Variants in ARID4B observed in about 807,000 individuals in gnomAD.
ARID4B encodes AT-rich interactive domain-containing protein 4B.
A neutral mutation model predicts 147.5 loss-of-function variants in ARID4B; 26 were observed. The observed-to-expected ratio is 0.18, with a 90% CI of 0.13 to 0.24. The LOEUF is 0.24. ARID4B is among the 10% of genes least tolerant of loss of function. The pLI, the probability that ARID4B is intolerant of heterozygous loss-of-function variation, is 1.00. For synonymous variants in ARID4B, 512 were observed against 507.9 expected (o/e 1.01, Z -0.11); for missense variants, 1,179 against 1,511.5 (o/e 0.78, Z 3.65).
intron 19 of ARID4B, among the ~76,000 whole-genome samples, chr1:235,188,467 C>G (rs963012710): frequency 6.6e-5 from 10 of 152,146 alleles, no homozygotes; most frequent in Non-Finnish European, 8.8e-5. Context: ...ATGCCTAGAT[C>G]CCCACCTCAC....
chr1:235,208,906 C>A (rs1161504674), intron 17 of ARID4B, among the ~76,000 whole-genome samples: 1 of 152,062 alleles, frequency 6.6e-6, no homozygotes, highest in Non-Finnish European at 1.5e-5. Flanking sequence ...TGAGCATACT[C>A]CAAACATGCC....
intron 2 of ARID4B, among the ~76,000 whole-genome samples, chr1:235,294,149 T>C (rs1672520967): frequency 6.6e-6 from 1 of 152,074 alleles, no homozygotes; most frequent in South Asian, 2.1e-4. Flanking sequence ...TGACATCTAG[T>C]ACCACCTGGC....
chr1:235,214,993 C>G (rs976291446), intron 16 of ARID4B, among the ~76,000 whole-genome samples: 13 of 151,970 alleles, frequency 8.6e-5, no homozygotes, highest in African/African-American at 2.9e-4. Context: ...AGGCACCCAC[C>G]ACCACACCCA....
chr1:235,325,613 T>C (rs1041201169), intron 2 of ARID4B, among the ~76,000 whole-genome samples: 6 of 152,156 alleles, frequency 3.9e-5, no homozygotes, highest in Admixed American at 2.0e-4. Flanking sequence ...AAGGTACATA[T>C]ACGAGTTACC....
At chr1:235,290,923 G>A (rs1223498599) in intron 2 of ARID4B, among the ~76,000 whole-genome samples, 4 of 152,154 alleles carry the variant, frequency 2.6e-5, no homozygotes, top group Non-Finnish European at 5.9e-5. Context: ...TAGTGCTACC[G>A]TGTCTGTACA....
chr1:235,203,151 C>T (rs1666065964), intron 17 of ARID4B, among the ~76,000 whole-genome samples: 1 of 152,102 alleles, frequency 6.6e-6, no homozygotes, highest in Non-Finnish European at 1.5e-5. Flanking sequence ...TAAAAGATAC[C>T]ATTCAGAGAC....
chr1:235,324,869 G>C (rs956514378), intron 2 of ARID4B, among the ~76,000 whole-genome samples: 6 of 152,170 alleles, frequency 3.9e-5, no homozygotes, highest in Non-Finnish European at 8.8e-5. Flanking sequence ...AGCAGTTACA[G>C]ATCGTGCCAG....
chr1:235,220,010 T>C (rs1185471517), intron 15 of ARID4B, 42 bp from the exon 16 acceptor site: 2 of 1,333,744 alleles, frequency 1.5e-6, no homozygotes, highest in Non-Finnish European at 2.0e-6. Flanking sequence ...AAAGTAAAAA[T>C]TTTCAACCTA....
intron 11 of ARID4B, among the ~76,000 whole-genome samples, chr1:235,227,075 T>C (rs1667880537): frequency 6.6e-6 from 1 of 152,158 alleles, no homozygotes; most frequent in Non-Finnish European, 1.5e-5. Context: ...AGTAGGGTTC[T>C]GAAAATTGAA....
rs143030801 is a variant in ARID4B at position 235,297,534 on chromosome 1, G to T, written c.6+29380C>A. ...TTGCAATCCTTATATAATGGATCTA[G>T]TCAACAATCCTCAGATGCTGCGAAA... is the stretch of plus-strand genomic sequence containing the variant. On this transcript the variant is annotated intron_variant, in intron 2 of 23. Coordinates refer to ENST00000264183, the MANE Select transcript of ARID4B (RefSeq NM_016374.6). Among the ~76,000 whole-genome samples, 229 of 152,262 alleles carry T rather than the reference G, an allele frequency of 1.5e-3. 3 individuals carry two copies. Among genetic ancestry groups the T allele is most frequent in the African/African-American group, 5.3e-3 (219 of 41,542 alleles).
At chr1:235,289,202 G>T (rs1033131061) in intron 2 of ARID4B, among the ~76,000 whole-genome samples, 1 of 152,128 alleles carries the variant, frequency 6.6e-6, no homozygotes, top group Non-Finnish European at 1.5e-5. Context: ...TCCTGGAAGG[G>T]AATTCAATGT....
chr1:235,303,089 A>C (rs1239746925), intron 2 of ARID4B, among the ~76,000 whole-genome samples: 1 of 151,984 alleles, frequency 6.6e-6, no homozygotes, highest in Admixed American at 6.6e-5. Context: ...ACACCCGGCT[A>C]ATTTTTTGTA....
rs758814644 is a variant in ARID4B at position 235,240,354 on chromosome 1, T to C, written c.544A>G (p.Ile182Val). The C allele has an allele frequency of 5.6e-6, 9 of 1,613,394 alleles. No individual in the cohort carries two copies. The South Asian group carries it at 9.9e-5, about 18-fold the overall frequency. The change falls in exon 8 of 24, where the codon ATT (isoleucine) becomes GTT (valine). Residue 182 changes from isoleucine to valine, a missense_variant. Ile to Val is a conservative substitution (Grantham distance 29). This residue lies in a region of ARID4B where 159 missense variants were observed against 190.5 expected (regional missense o/e 0.83). Transcript: ENST00000264183. ...LLGKVVCVDY[I>V]SLDKKKALWF... ...AGTGCTTTCTTTTTATCCAAACTAA[T>C]GTAATCTACACATACAACTTTGCCT...
At position 235,223,058 on chromosome 1, in the gene ARID4B, T is replaced by C. The variant is rs1667575390; in HGVS notation, c.1065+108A>G. ...CCACTTTATCTTCTTCTTAGGTTTT[T>C]ACTGAAAAACTTTGTTTTGTTGTTT... On this transcript the variant is annotated intron_variant, in intron 13 of 23. Coordinates refer to ENST00000264183, the MANE Select transcript of ARID4B (RefSeq NM_016374.6). 5 of 703,276 alleles carry C rather than the reference T, an allele frequency of 7.1e-6. No individual in the cohort carries two copies. In the South Asian group the frequency reaches 8.9e-5, roughly 12 times the overall value. The allele number at this position is 703,276 out of a possible 1,614,324, so 43.6% of individuals were successfully genotyped here.
At chr1:235,214,837 C>CTTTTTTTTTTTTTTT (rs10657168) in intron 16 of ARID4B, among the ~76,000 whole-genome samples, 1 of 102,326 alleles carries the variant, frequency 9.8e-6, no homozygotes, top group Non-Finnish European at 1.8e-5. Context: ...GTATTACATC[C>CTTTTTTTTTTTTTTT]TTTTTTTTTT....
chr1:235,320,836 G>A (rs184137381), intron 2 of ARID4B, among the ~76,000 whole-genome samples: 180 of 152,196 alleles, frequency 1.2e-3, no homozygotes, highest in African/African-American at 4.2e-3. Context: ...AACCTGAATG[G>A]CTCACTCTAT....
At chr1:235,272,187 C>T (rs1671035838) in intron 2 of ARID4B, among the ~76,000 whole-genome samples, 1 of 152,070 alleles carries the variant, frequency 6.6e-6, no homozygotes, top group East Asian at 1.9e-4. Context: ...CTGTAGTAAG[C>T]CCTTTGGTAA....
intron 19 of ARID4B, among the ~76,000 whole-genome samples, chr1:235,185,988 T>TTTTA (rs1664648499): frequency 6.6e-6 from 1 of 151,812 alleles, no homozygotes. Context: ...TTTTTTTTTT[T>TTTTA]GAGACTGAGT....
chr1:235,273,565 G>C (rs1189589405), intron 2 of ARID4B, among the ~76,000 whole-genome samples: 1 of 152,178 alleles, frequency 6.6e-6, no homozygotes, highest in African/African-American at 2.4e-5. Flanking sequence ...TGATTTCAGA[G>C]ATGTTAAAAT....
Sources: allele counts gnomAD v4.1 joint callset (sites outside exome capture counted in the v4.1 genomes callset), GRCh38; gene constraint gnomAD v4.1.1; regional missense constraint gnomAD v4.1.1; transcripts MANE v1.5; gene names NCBI Gene and HGNC (gene_info 2026-07-23, HGNC 2026-07-21).